Variants in MRTFA observed in about 807,000 individuals in gnomAD.
MRTFA encodes the protein myocardin-related transcription factor A.
In MRTFA, 20 loss-of-function variants were observed where a neutral mutation model predicts 83.5. The observed-to-expected ratio is 0.24, with a 90% CI of 0.17 to 0.35. MRTFA has a LOEUF of 0.35. MRTFA is among the 10% of genes least tolerant of loss of function. The pLI, the probability that MRTFA is intolerant of heterozygous loss-of-function variation, is 1.00. For synonymous variants in MRTFA, 659 were observed against 541.2 expected (o/e 1.22, Z -3.02); for missense variants, 1,200 against 1,224.7 (o/e 0.98, Z 0.30).
At chr22:40,465,108 C>T (rs1254111021) in intron 3 of MRTFA, among the ~76,000 whole-genome samples, 1 of 152,170 alleles carries the variant, frequency 6.6e-6, no homozygotes, top group African/African-American at 2.4e-5. Flanking sequence ...CTGAACTTCC[C>T]CACTCACTCC....
chr22:40,549,652 T>C (rs2055415620), intron 3 of MRTFA, among the ~76,000 whole-genome samples: 1 of 152,236 alleles, frequency 6.6e-6, no homozygotes, highest in East Asian at 1.9e-4. Flanking sequence ...TGTACTCACT[T>C]TGTGATAATA....
intron 3 of MRTFA, among the ~76,000 whole-genome samples, chr22:40,483,638 T>C (rs1438361273): frequency 2.6e-5 from 4 of 151,128 alleles, no homozygotes; most frequent in South Asian, 2.1e-4. Context: ...TGAGCCGAGA[T>C]AGTGCCACTG....
intron 4 of MRTFA, among the ~76,000 whole-genome samples, chr22:40,456,320 A>G (rs1273867938): frequency 1.3e-5 from 2 of 152,168 alleles, no homozygotes; most frequent in African/African-American, 2.4e-5. Context: ...TCTGTAAAAA[A>G]AAAAAATACT....
chr22:40,530,570 T>C (rs1474366497), intron 3 of MRTFA, among the ~76,000 whole-genome samples: 1 of 152,250 alleles, frequency 6.6e-6, no homozygotes, highest in Non-Finnish European at 1.5e-5. Flanking sequence ...GTGCTGGGAT[T>C]ACAGGCGTGC....
chr22:40,597,965 G>A (rs1043124540), intron 1 of MRTFA, among the ~76,000 whole-genome samples: 1 of 152,120 alleles, frequency 6.6e-6, no homozygotes, highest in African/African-American at 2.4e-5. Context: ...TCTCCAGATC[G>A]TTATGCAAAG....
chr22:40,549,672 A>AT (rs1458867307), intron 3 of MRTFA, among the ~76,000 whole-genome samples: 1 of 152,218 alleles, frequency 6.6e-6, no homozygotes, highest in Non-Finnish European at 1.5e-5. Context: ...AACAACACTT[A>AT]TAAGTTGTGG....
chr22:40,474,531 T>C (rs1190561182), intron 3 of MRTFA, among the ~76,000 whole-genome samples: 3 of 152,360 alleles, frequency 2.0e-5, no homozygotes, highest in East Asian at 1.9e-4. Context: ...ATGTACTAGT[T>C]GGTCAGCACA....
In MRTFA at chr22:40,530,336, G is replaced by A. The variant is rs1019512412; in HGVS notation, c.241+21770C>T. Among the ~76,000 whole-genome samples the A allele has an allele frequency of 7.9e-5, 12 of 152,170 alleles. No individual in the cohort carries two copies. In the East Asian group the frequency reaches 1.4e-3, roughly 17 times the overall value. On this transcript the variant is annotated intron_variant, in intron 3 of 14. Transcript: ENST00000355630. ...TTTTGAGGCAGGGTCTCGCTCTGTC[G>A]CCCAGGCTGGAGTGCAGTGGCACAA...
chr22:40,433,800 T>C (rs2147098131), intron 5 of MRTFA, among the ~76,000 whole-genome samples: 2 of 152,368 alleles, frequency 1.3e-5, no homozygotes, highest in Middle Eastern at 3.4e-3. Flanking sequence ...TCATGTTTCA[T>C]ATCTCAACTA....
At chr22:40,540,437 C>G (rs752437275) in intron 3 of MRTFA, among the ~76,000 whole-genome samples, 2 of 152,094 alleles carry the variant, frequency 1.3e-5, no homozygotes, top group African/African-American at 4.8e-5. Context: ...GCTAACTACC[C>G]CTCCTTTAGG....
chr22:40,497,741 T>C (rs1457620357), intron 3 of MRTFA, among the ~76,000 whole-genome samples: 2 of 151,372 alleles, frequency 1.3e-5, no homozygotes, highest in Non-Finnish European at 2.9e-5. Context: ...CAACAGAGAC[T>C]GTCTCAAAAA....
At chr22:40,427,329 T>A (rs1281586219) in intron 7 of MRTFA, among the ~76,000 whole-genome samples, 1 of 152,176 alleles carries the variant, frequency 6.6e-6, no homozygotes, top group African/African-American at 2.4e-5. Flanking sequence ...GGGCCCAGTG[T>A]GGGCCAGCCT....
intron 2 of MRTFA, chr22:40,569,488 C>T (rs1569332866): frequency 6.5e-6 from 1 of 154,386 alleles, no homozygotes; most frequent in Non-Finnish European, 1.5e-5. Context: ...CTTTGGGAGG[C>T]CAAAGCTGGT....
chr22:40,491,634 T>C (rs1255732869), intron 3 of MRTFA, among the ~76,000 whole-genome samples: 3 of 152,186 alleles, frequency 2.0e-5, no homozygotes, highest in Non-Finnish European at 2.9e-5. Flanking sequence ...GGATAAAACA[T>C]TGAATCTGAC....
At chr22:40,441,645 G>C (rs759737917) in intron 4 of MRTFA, among the ~76,000 whole-genome samples, 2 of 152,058 alleles carry the variant, frequency 1.3e-5, no homozygotes, top group Non-Finnish European at 2.9e-5. Context: ...AAATTAGCTG[G>C]GCGTGGTGGT....
At chr22:40,623,045 G>A (rs1307387063) in intron 1 of MRTFA, among the ~76,000 whole-genome samples, 1 of 152,110 alleles carries the variant, frequency 6.6e-6, no homozygotes, top group Non-Finnish European at 1.5e-5. Flanking sequence ...ACTAAACTAA[G>A]GGAAACTCAA....
At chr22:40,499,173 T>C (rs974582282) in intron 3 of MRTFA, among the ~76,000 whole-genome samples, 3 of 152,220 alleles carry the variant, frequency 2.0e-5, no homozygotes, top group Non-Finnish European at 4.4e-5. Flanking sequence ...AAAGATGTCA[T>C]GCTTGGAACT....
At chr22:40,520,695 C>T (rs1469055952) in intron 3 of MRTFA, among the ~76,000 whole-genome samples, 1 of 152,212 alleles carries the variant, frequency 6.6e-6, no homozygotes, top group Non-Finnish European at 1.5e-5. Flanking sequence ...GCATAAGCCA[C>T]CACACAAGGC....
At chr22:40,528,782 A>C (rs2055024938) in intron 3 of MRTFA, among the ~76,000 whole-genome samples, 5 of 151,828 alleles carry the variant, frequency 3.3e-5, no homozygotes, top group Admixed American at 2.0e-4. Flanking sequence ...GGCTACATTA[A>C]TATTTAGAGC....
Sources: allele counts gnomAD v4.1 joint callset (sites outside exome capture counted in the v4.1 genomes callset), GRCh38; gene constraint gnomAD v4.1.1; transcripts MANE v1.5; gene names NCBI Gene and HGNC (gene_info 2026-07-23, HGNC 2026-07-21).